Variants in C10orf90 observed in about 807,000 individuals in gnomAD.
The protein encoded by C10orf90 is chromosome 10 open reading frame 90.
C10orf90 carries 56 observed loss-of-function variants against 62.5 expected under a neutral mutation model. The observed-to-expected ratio is 0.90, with a 90% CI of 0.72 to 1.12. The LOEUF is 1.12. Among genes scored for constraint, C10orf90 ranks in the 50% most tolerant of loss-of-function variants. The pLI is 0.00. For missense variants in C10orf90, 970 were observed against 880.4 expected (o/e 1.10, Z -1.29); for synonymous variants, 386 against 340.4 (o/e 1.13, Z -1.47).
intron 1 of C10orf90, among the ~76,000 whole-genome samples, chr10:126,649,429 C>T (rs905802065): frequency 1.7e-4 from 26 of 152,044 alleles, no homozygotes; most frequent in African/African-American, 2.4e-5. Context: ...GCATCTCTCT[C>T]CTGTCACACA....
chr10:126,547,343 C>T (rs1278993698), intron 2 of C10orf90, among the ~76,000 whole-genome samples: 1 of 151,432 alleles, frequency 6.6e-6, no homozygotes, highest in Non-Finnish European at 1.5e-5. Flanking sequence ...GGTGTGAACC[C>T]GGGAGGCGGA....
intron 4 of C10orf90, among the ~76,000 whole-genome samples, chr10:126,477,063 T>C (rs1327029302): frequency 1.5e-5 from 2 of 131,132 alleles, no homozygotes; most frequent in African/African-American, 2.8e-5. Flanking sequence ...GTGCCCAACA[T>C]CACGCCTGGC....
intron 2 of C10orf90, among the ~76,000 whole-genome samples, chr10:126,530,455 T>C (rs1652613082): frequency 6.6e-6 from 1 of 152,102 alleles, no homozygotes; most frequent in African/African-American, 2.4e-5. Context: ...TGAATAACTT[T>C]TATGTGAATA....
At chr10:126,607,659 T>TACCA (rs1845342051) in intron 2 of C10orf90, among the ~76,000 whole-genome samples, 2 of 152,168 alleles carry the variant, frequency 1.3e-5, no homozygotes, top group Non-Finnish European at 2.9e-5. Flanking sequence ...AAATAAAATG[T>TACCA]ACCAATATTT....
intron 7 of C10orf90, among the ~76,000 whole-genome samples, chr10:126,455,759 A>G (rs1859518072): frequency 6.6e-6 from 1 of 152,194 alleles, no homozygotes; most frequent in Non-Finnish European, 1.5e-5. Flanking sequence ...GTTGTTCATG[A>G]AAATTTTCCT....
At chr10:126,530,681 C>G (rs993504401) in intron 2 of C10orf90, among the ~76,000 whole-genome samples, 1 of 151,908 alleles carries the variant, frequency 6.6e-6, no homozygotes, top group African/African-American at 2.4e-5. Flanking sequence ...AGGAAGAAAC[C>G]AAACCGAGCC....
At chr10:126,535,055 A>C (rs1169938959) in intron 2 of C10orf90, among the ~76,000 whole-genome samples, 2 of 152,118 alleles carry the variant, frequency 1.3e-5, no homozygotes, top group Non-Finnish European at 2.9e-5. Flanking sequence ...CAGATCTTTG[A>C]ATATATTGTG....
intron 7 of C10orf90, among the ~76,000 whole-genome samples, chr10:126,454,762 G>A (rs1367136108): frequency 6.6e-6 from 1 of 152,058 alleles, no homozygotes; most frequent in Non-Finnish European, 1.5e-5. Context: ...TCTGGAACAC[G>A]CTAATTCCCA....
chr10:126,594,108 CTTTTT>C (rs5788794), intron 2 of C10orf90, among the ~76,000 whole-genome samples: 2 of 132,072 alleles, frequency 1.5e-5, no homozygotes, highest in South Asian at 2.5e-4. Context: ...ACCAGGCTTG[CTTTTT>C]TTTTTTTTTT....
intron 2 of C10orf90, among the ~76,000 whole-genome samples, chr10:126,518,161 A>G (rs1863544680): frequency 6.6e-6 from 1 of 151,882 alleles, no homozygotes. Flanking sequence ...CCTACCCCGC[A>G]TTGCTGTTCA....
Position 126,461,495 on chromosome 10 carries a change from G to T in C10orf90, c.1916C>A (p.Pro639His), listed in dbSNP as rs372678700. ...TGCTCCATCGCGGGGTGCTGGCGAG[G>T]GTGCTGCTGGGGAGGGCTCAGGTGT... is the stretch of plus-strand genomic sequence containing the variant. The part of the protein sequence containing the change: ...PTTPEPSPAA[P>H]SPAPRDGAGS... The change falls in exon 6 of 10, where the codon CCC (proline) becomes CAC (histidine). Residue 639 changes from proline to histidine, a missense_variant. Transcript: ENST00000488181. The T allele has an allele frequency of 6.4e-5, 103 of 1,613,896 alleles. No individual in the cohort carries two copies. The highest frequency in any genetic ancestry group is 8.6e-5 in the Non-Finnish European group (101 of 1,180,008).
intron 4 of C10orf90, among the ~76,000 whole-genome samples, chr10:126,478,845 T>C (rs942023794): frequency 3.3e-5 from 5 of 152,152 alleles, no homozygotes; most frequent in Non-Finnish European, 7.3e-5. Context: ...GAGAAGGATA[T>C]GGAGCTGCCT....
At position 126,477,076 on chromosome 10, in the gene C10orf90, A is replaced by ATTTTTTTTTTTTTTT. The variant is rs551973906; in HGVS notation, c.1535-12105_1535-12091dup. Among the ~76,000 whole-genome samples the ATTTTTTTTTTTTTTT allele has an allele frequency of 2.8e-4, 16 of 56,484 alleles. 4 individuals carry two copies. Among genetic ancestry groups the ATTTTTTTTTTTTTTT allele is most frequent in the Admixed American group, 6.2e-4 (2 of 3,238 alleles). The allele number at this position is 56,484 out of a possible 152,430, so 37.1% of individuals were successfully genotyped here. On this transcript the variant is annotated intron_variant, in intron 4 of 9. Coordinates refer to ENST00000488181, the MANE Select transcript of C10orf90 (RefSeq NM_001350921.2). The stretch of plus-strand genomic sequence containing the variant: ...AGGTGCCCAACATCACGCCTGGCTA[A>ATTTTTTTTTTTTTTT]TTTTTTTTTTTTTTTTTTTTTTTTT...
chr10:126,498,068 C>G (rs568164198), intron 4 of C10orf90, among the ~76,000 whole-genome samples: 4 of 152,332 alleles, frequency 2.6e-5, no homozygotes, highest in Middle Eastern at 3.4e-3. Context: ...TTACCTGATT[C>G]TCAACCATGC....
In C10orf90 at chr10:126,525,530, C is replaced by T. The variant is rs553821061; in HGVS notation, c.314-11591G>A. On this transcript the variant is annotated intron_variant, in intron 2 of 9. Transcript: ENST00000488181. ...CTGCAGAGATGATTACAGGCTCCGC[C>T]GTGAGCTGGACAAATGAGGTTGGGG... is the stretch of plus-strand genomic sequence containing the variant. Among the ~76,000 whole-genome samples, 82 of 152,186 alleles carry T rather than the reference C, an allele frequency of 5.4e-4. 1 individual carries two copies. The highest frequency in any genetic ancestry group is 9.2e-4 in the Admixed American group (14 of 15,276).
intron 7 of C10orf90, among the ~76,000 whole-genome samples, chr10:126,434,856 A>T (rs146509089): frequency 6.6e-6 from 1 of 152,182 alleles, no homozygotes; most frequent in Non-Finnish European, 1.5e-5. Context: ...ACCATGGTGG[A>T]CCCTCTAATT....
rs1405947463 is a variant in C10orf90 at position 126,456,646 on chromosome 10, C to G, written c.2188+2394G>C. Among the ~76,000 whole-genome samples, 2 of 152,144 alleles carry G rather than the reference C, an allele frequency of 1.3e-5. No individual in the cohort carries two copies. The highest frequency in any genetic ancestry group is 1.5e-5 in the Non-Finnish European group (1 of 68,036). On this transcript the variant is annotated intron_variant, in intron 7 of 9. Transcript: ENST00000488181. The surrounding 1 kb of genome is among the most constrained non-coding windows in gnomAD (Gnocchi z 4.9). The stretch of plus-strand genomic sequence containing the variant: ...AATGTGACTTCTTTGGAAATAGGGT[C>G]TTTGCAGAGGTAATCAAGTTAAAAT...
intron 2 of C10orf90, among the ~76,000 whole-genome samples, chr10:126,536,253 G>T (rs1031435540): frequency 2.6e-5 from 4 of 152,182 alleles, no homozygotes; most frequent in African/African-American, 9.7e-5. Flanking sequence ...AGCCCATTAG[G>T]ATGGTGGTAG....
intron 4 of C10orf90, among the ~76,000 whole-genome samples, chr10:126,479,159 T>C (rs11244996): frequency 0.22 from 32,780 of 152,100 alleles, 4,334 homozygotes; most frequent in African/African-American, 0.39. Flanking sequence ...TGAATAAGAA[T>C]GTCTGGACCC....
Sources: allele counts gnomAD v4.1 joint callset (sites outside exome capture counted in the v4.1 genomes callset), GRCh38; gene constraint gnomAD v4.1.1; non-coding constraint Gnocchi (gnomAD v3.1); transcripts MANE v1.5; gene names NCBI Gene and HGNC (gene_info 2026-07-23, HGNC 2026-07-21).